The following BRD10 variants were observed in gnomAD, a reference collection of about 807,000 sequenced individuals.
The protein encoded by BRD10 is uncharacterized bromodomain-containing protein 10.
At chr9:5,952,806 G>A in the BRD10 span, among the ~76,000 whole-genome samples, 6 of 152,164 alleles carry the variant, frequency 3.9e-5, no homozygotes, top group African/African-American at 1.2e-4. Context: ...GACGCGTGAT[G>A]ATGTAATACT....
the BRD10 span, among the ~76,000 whole-genome samples, chr9:5,992,224 G>A: frequency 6.6e-6 from 1 of 152,158 alleles, no homozygotes; most frequent in South Asian, 2.1e-4. Context: ...TAGGAACTTT[G>A]TTTTGTTAAT....
the BRD10 span, among the ~76,000 whole-genome samples, chr9:5,912,357 C>T: frequency 2.7e-4 from 41 of 151,748 alleles, no homozygotes; most frequent in East Asian, 7.6e-3. Flanking sequence ...TTGAATGTCC[C>T]GTCTCTTGTC....
At chr9:5,926,763 C>T in the BRD10 span, among the ~76,000 whole-genome samples, 1 of 152,060 alleles carries the variant, frequency 6.6e-6, no homozygotes, top group African/African-American at 2.4e-5. Context: ...GATCTCCTGA[C>T]CTCGTGATCT....
At chr9:5,954,222 AATG>A in the BRD10 span, 1 of 616,570 alleles carries the variant, frequency 1.6e-6, no homozygotes, top group Non-Finnish European at 2.9e-6. Flanking sequence ...GTCAAATAAA[AATG>A]ATGAATCAAA....
chr9:6,004,870 G>A, the BRD10 span, among the ~76,000 whole-genome samples: 2 of 152,160 alleles, frequency 1.3e-5, no homozygotes, highest in Non-Finnish European at 1.5e-5. Context: ...TTTTAGGCTA[G>A]AAGAACTGAT....
the BRD10 span, among the ~76,000 whole-genome samples, chr9:5,911,058 T>C: frequency 6.6e-6 from 1 of 152,226 alleles, no homozygotes; most frequent in African/African-American, 2.4e-5. Context: ...TGATCCTATT[T>C]GTCCATTTTG....
chr9:5,982,937 G>C, the BRD10 span, among the ~76,000 whole-genome samples: 2 of 152,106 alleles, frequency 1.3e-5, no homozygotes, highest in Non-Finnish European at 2.9e-5. Flanking sequence ...TTTAAATTTT[G>C]AATTTTTAAA....
the BRD10 span, chr9:6,007,090 C>T: frequency 1.7e-6 from 2 of 1,171,444 alleles, no homozygotes; most frequent in Non-Finnish European, 2.5e-6. Flanking sequence ...CGACTCAGCA[C>T]CTATCAGCGC....
At chr9:5,920,055 T>C in the BRD10 span, 4 of 1,614,004 alleles carry the variant, frequency 2.5e-6, no homozygotes, top group African/African-American at 4.0e-5. Flanking sequence ...TGTGGTGATG[T>C]ATGTACTGTG....
At chr9:5,898,510 A>C in the BRD10 span, among the ~76,000 whole-genome samples, 1 of 152,122 alleles carries the variant, frequency 6.6e-6, no homozygotes, top group African/African-American at 2.4e-5. Flanking sequence ...CAATACACGA[A>C]TTTTGGGGGA....
chr9:6,007,909 G>A, the BRD10 span: 3 of 1,345,552 alleles, frequency 2.2e-6, no homozygotes, highest in South Asian at 1.9e-5. Flanking sequence ...ATCGGGCCTG[G>A]CTCTCCTCAG....
At chr9:5,980,600 A>T in the BRD10 span, among the ~76,000 whole-genome samples, 1 of 152,156 alleles carries the variant, frequency 6.6e-6, no homozygotes, top group Non-Finnish European at 1.5e-5. Flanking sequence ...AATTAGGTAC[A>T]TTTAAAGATT....
At chr9:5,984,313 C>T in the BRD10 span, among the ~76,000 whole-genome samples, 3 of 151,974 alleles carry the variant, frequency 2.0e-5, no homozygotes, top group East Asian at 1.9e-4. Context: ...GGAAGGCATA[C>T]GACAACAGCA....
the BRD10 span, chr9:5,920,011 T>A: frequency 1.2e-6 from 2 of 1,613,934 alleles, no homozygotes; most frequent in South Asian, 1.1e-5. Flanking sequence ...GTACAGGAGG[T>A]GGAACAGGAA....
the BRD10 span, among the ~76,000 whole-genome samples, chr9:6,001,149 T>C: frequency 1.3e-5 from 2 of 152,234 alleles, no homozygotes; most frequent in African/African-American, 4.8e-5. Context: ...TTACCACTGA[T>C]ACCTGTTGAA....
the BRD10 span, among the ~76,000 whole-genome samples, chr9:5,883,719 A>T: frequency 8.6e-5 from 13 of 151,940 alleles, no homozygotes; most frequent in South Asian, 2.1e-4. Flanking sequence ...CAACCCTCTC[A>T]CTTCAGCCTC....
At chr9:5,919,466 A>G in the BRD10 span, 1 of 482,116 alleles carries the variant, frequency 2.1e-6, no homozygotes, top group East Asian at 3.4e-5. Flanking sequence ...TCCTCAGAAC[A>G]GTAAGTGAAA....
the BRD10 span, among the ~76,000 whole-genome samples, chr9:5,982,736 T>G: frequency 1.6e-4 from 25 of 152,124 alleles, no homozygotes; most frequent in South Asian, 8.3e-4. Flanking sequence ...CAACAGAAAA[T>G]AAACTAAGAC....
At chr9:5,893,771 T>A in the BRD10 span, among the ~76,000 whole-genome samples, 3 of 152,180 alleles carry the variant, frequency 2.0e-5, no homozygotes, top group Non-Finnish European at 4.4e-5. Flanking sequence ...TCCCTTGGGA[T>A]GTCACTTTTG....
Sources: allele counts gnomAD v4.1 joint callset (sites outside exome capture counted in the v4.1 genomes callset), GRCh38; gene constraint gnomAD v4.1.1; transcripts MANE v1.5; gene names NCBI Gene and HGNC (gene_info 2026-07-23, HGNC 2026-07-21).